KCNQ5: variants seen among roughly 807,000 people sequenced by gnomAD.
KCNQ5 encodes the protein potassium voltage-gated channel subfamily KQT member 5.
A neutral mutation model predicts 98.2 loss-of-function variants in KCNQ5; 30 were observed. The observed-to-expected ratio is 0.31, with a 90% confidence interval of 0.23 to 0.41. The LOEUF is 0.41. KCNQ5 is among the 10% of genes least tolerant of loss of function. The pLI, the probability that KCNQ5 is intolerant of heterozygous loss-of-function variation, is 1.00. For synonymous variants in KCNQ5, 458 were observed against 449.4 expected, an observed-to-expected ratio of 1.02 and a Z score of -0.24; for missense variants, 835 against 1,182.5, an observed-to-expected ratio of 0.71 and a Z score of 4.31.
intron 2 of KCNQ5, among the ~76,000 whole-genome samples, chr6:73,029,268 G>A (rs750888689): frequency 6.6e-6 from 1 of 152,044 alleles, no homozygotes; most frequent in Non-Finnish European, 1.5e-5. Flanking sequence ...AAAACAAATG[G>A]GAATCAGAAT....
Position 73,196,129 on chromosome 6 carries a change from T to C in KCNQ5, c.*715T>C, listed in dbSNP as rs1469413694. 6.6e-6 allele frequency: 1 copy of C among 152,534 alleles called. No homozygotes were observed. The highest frequency in any genetic ancestry group is 2.4e-5 in the African/African-American group (1 of 41,470). The allele number at this position is 152,534 out of a possible 1,614,324, so 9.4% of individuals were successfully genotyped here. ...AGACTATCTGACATATTTGACTTTA[T>C]GAAAACATATTGCCTGATGGCAGAA... On this transcript the variant is annotated 3_prime_UTR_variant, in exon 14 of 14. Coordinates refer to ENST00000370398, the MANE Select transcript of KCNQ5 (RefSeq NM_019842.4).
intron 1 of KCNQ5, among the ~76,000 whole-genome samples, chr6:72,971,845 G>T (rs1030825711): frequency 6.6e-6 from 1 of 152,122 alleles, no homozygotes; most frequent in Non-Finnish European, 1.5e-5. Flanking sequence ...TTGTGGGGTG[G>T]GAGGAGAGGG....
chr6:73,153,904 T>TTA (rs1554216222), intron 10 of KCNQ5, among the ~76,000 whole-genome samples: 2 of 147,640 alleles, frequency 1.4e-5, no homozygotes, highest in Admixed American at 6.7e-5. Flanking sequence ...TCAATTCCAC[T>TTA]AAAAAAAAAA....
intron 10 of KCNQ5, among the ~76,000 whole-genome samples, chr6:73,166,676 A>G (rs916398186): frequency 2.6e-5 from 4 of 152,206 alleles, no homozygotes; most frequent in African/African-American, 9.7e-5. Flanking sequence ...ATTATCTCAC[A>G]GTACGGGAGT....
At position 72,937,742 on chromosome 6, in the gene KCNQ5, C is replaced by T. The variant is rs192035991; in HGVS notation, c.399-66166C>T. 1.3e-3 allele frequency among the ~76,000 whole-genome samples: 202 copies of T among 152,224 alleles called. 2 individuals carry two copies. The Middle Eastern group carries it at 0.027, about 21-fold the overall frequency. On this transcript the variant is annotated intron_variant, in intron 1 of 13. Coordinates refer to ENST00000370398, the MANE Select transcript of KCNQ5 (RefSeq NM_019842.4). The stretch of plus-strand genomic sequence containing the variant: ...CTCTTTTAAGTTCTCTGTTATTATG[C>T]ATGTGTAAACCTCATTTTAAAGTAA...
At chr6:72,700,829 A>G (rs1768768873) in intron 1 of KCNQ5, among the ~76,000 whole-genome samples, 2 of 152,216 alleles carry the variant, frequency 1.3e-5, no homozygotes, top group Non-Finnish European at 2.9e-5. Flanking sequence ...TGACAGGCCC[A>G]GAATGGCTGA....
intron 1 of KCNQ5, among the ~76,000 whole-genome samples, chr6:72,682,524 T>A (rs1339146036): frequency 6.6e-6 from 1 of 152,182 alleles, no homozygotes; most frequent in East Asian, 1.9e-4. Flanking sequence ...CCTTCAGTGC[T>A]CAGACATCAA....
chr6:73,003,419 G>A (rs975134892), intron 1 of KCNQ5, among the ~76,000 whole-genome samples: 4 of 152,016 alleles, frequency 2.6e-5, no homozygotes, highest in African/African-American at 4.8e-5. Flanking sequence ...GAGAATCCAT[G>A]AGCAATATCA....
chr6:72,879,891 C>T (rs1333130599), intron 1 of KCNQ5, among the ~76,000 whole-genome samples: 1 of 152,076 alleles, frequency 6.6e-6, no homozygotes, highest in Non-Finnish European at 1.5e-5. Flanking sequence ...GCTCGAGTAG[C>T]CTCCTAAGCT....
chr6:72,661,708 G>T (rs1326114931), intron 1 of KCNQ5, among the ~76,000 whole-genome samples: 1 of 152,094 alleles, frequency 6.6e-6, no homozygotes. Context: ...TTTAAAGGCT[G>T]CCTGTGACTT....
chr6:72,936,236 C>T (rs1339962458), intron 1 of KCNQ5, among the ~76,000 whole-genome samples: 2 of 152,114 alleles, frequency 1.3e-5, no homozygotes, highest in African/African-American at 4.8e-5. Flanking sequence ...AATAACCTAC[C>T]CACCTATTCT....
intron 1 of KCNQ5, among the ~76,000 whole-genome samples, chr6:72,827,796 A>G (rs1001323559): frequency 1.3e-5 from 2 of 151,772 alleles, no homozygotes; most frequent in African/African-American, 4.8e-5. Context: ...ATCATAAAAT[A>G]TTTTCCCAGT....
chr6:72,808,455 G>C (rs552004451), intron 1 of KCNQ5, among the ~76,000 whole-genome samples: 1 of 151,946 alleles, frequency 6.6e-6, no homozygotes, highest in Non-Finnish European at 1.5e-5. Context: ...ACTGTACAAG[G>C]GTACCCATTG....
chr6:72,862,456 T>C (rs1210143492), intron 1 of KCNQ5, among the ~76,000 whole-genome samples: 2 of 152,156 alleles, frequency 1.3e-5, no homozygotes, highest in African/African-American at 4.8e-5. Context: ...CTGCTGTCTC[T>C]TTTTTTAGTA....
intron 1 of KCNQ5, among the ~76,000 whole-genome samples, chr6:72,713,549 C>A (rs941358676): frequency 2.0e-5 from 3 of 152,132 alleles, no homozygotes; most frequent in Non-Finnish European, 4.4e-5. Context: ...CCTAATAGTT[C>A]TGGTGCCTCT....
intron 1 of KCNQ5, among the ~76,000 whole-genome samples, chr6:72,853,977 T>C (rs1777409997): frequency 6.6e-6 from 1 of 152,228 alleles, no homozygotes; most frequent in Non-Finnish European, 1.5e-5. Context: ...GGAATAAATA[T>C]GCCATTTTTT....
intron 1 of KCNQ5, among the ~76,000 whole-genome samples, chr6:72,675,403 T>G (rs1016712498): frequency 6.6e-6 from 1 of 152,260 alleles, no homozygotes; most frequent in African/African-American, 2.4e-5. Context: ...TAATTTATCT[T>G]GGAATTGAAG....
At chr6:73,075,271 GGAGT>G (rs1362796407) in intron 3 of KCNQ5, among the ~76,000 whole-genome samples, 10 of 149,706 alleles carry the variant, frequency 6.7e-5, no homozygotes, top group Admixed American at 1.3e-4. Flanking sequence ...TCGCTAGGCT[GGAGT>G]GCAGTGGCAC....
chr6:72,995,237 G>A (rs1372039341), intron 1 of KCNQ5, among the ~76,000 whole-genome samples: 1 of 151,942 alleles, frequency 6.6e-6, no homozygotes, highest in African/African-American at 2.4e-5. Flanking sequence ...GCATGGTGGT[G>A]CACGCCTGGA....
Sources: gnomAD v4.1 joint callset for allele counts (sites outside exome capture counted in the v4.1 genomes callset) on GRCh38, gnomAD v4.1.1 for gene constraint, MANE v1.5 for transcripts, NCBI Gene and HGNC (gene_info 2026-07-23, HGNC 2026-07-21) for gene names.